Variants in STX8 observed in about 807,000 individuals in gnomAD.
STX8 encodes syntaxin-8.
In STX8, 23 loss-of-function variants were observed where a neutral mutation model predicts 37.5. The observed-to-expected ratio is 0.61, with a 90% confidence interval of 0.44 to 0.87. The LOEUF (loss-of-function observed/expected upper bound fraction) is 0.87. Among genes scored for constraint, STX8 ranks in the 40% least tolerant of loss-of-function variants. The probability of loss-of-function intolerance (pLI) is 0.00; values close to 1 mark genes in which losing one functional copy is unlikely to be tolerated. For missense variants in STX8, 313 were observed against 284.7 expected (o/e 1.10, Z -0.71); for synonymous variants, 115 against 99.1 (o/e 1.16, Z -0.95).
rs1185017013 is a variant in STX8 at position 9,491,926 on chromosome 17, A to C, written c.449-5T>G. ...CATCAAGGCCTGCGTCCTGTTCTGA[A>C]AGAAAAAAGAAAAATAATTAACTAG... On this transcript the variant is annotated splice_polypyrimidine_tract_variant and splice_region_variant and intron_variant, in intron 5 of 7. Coordinates refer to ENST00000306357, the MANE Select transcript of STX8 (RefSeq NM_004853.3). 7.5e-6 allele frequency: 12 copies of C among 1,590,798 alleles called. No homozygotes were observed.
At chr17:9,574,468 A>G (rs940293293) in intron 1 of STX8, among the ~76,000 whole-genome samples, 2 of 152,050 alleles carry the variant, frequency 1.3e-5, no homozygotes, top group Non-Finnish European at 2.9e-5. Flanking sequence ...GCAAATTTTC[A>G]ATATTCTCTA....
At chr17:9,306,763 T>TCAAA (rs923849658) in intron 7 of STX8, among the ~76,000 whole-genome samples, 32 of 151,192 alleles carry the variant, frequency 2.1e-4, no homozygotes, top group Non-Finnish European at 4.1e-4. Context: ...AGACTCTGTC[T>TCAAA]CAAACAAACA....
chr17:9,493,700 T>C (rs1350092696), intron 5 of STX8, among the ~76,000 whole-genome samples: 1 of 152,210 alleles, frequency 6.6e-6, no homozygotes, highest in Non-Finnish European at 1.5e-5. Context: ...TTGCACCTTA[T>C]CCCTGCTAGT....
intron 7 of STX8, among the ~76,000 whole-genome samples, chr17:9,371,169 A>G (rs1245373629): frequency 6.6e-6 from 1 of 152,170 alleles, no homozygotes; most frequent in Non-Finnish European, 1.5e-5. Context: ...AAATTCTCTC[A>G]CTGCTCAAGC....
intron 4 of STX8, among the ~76,000 whole-genome samples, chr17:9,537,575 C>CCCAG (rs1555535364): frequency 6.6e-6 from 1 of 152,114 alleles, no homozygotes; most frequent in Non-Finnish European, 1.5e-5. Flanking sequence ...CACGTCCTGG[C>CCCAG]TCAATCTTTC....
intron 6 of STX8, among the ~76,000 whole-genome samples, chr17:9,429,347 A>C (rs1054230508): frequency 6.9e-6 from 1 of 145,580 alleles, no homozygotes; most frequent in Admixed American, 7.0e-5. Context: ...ACATATATTT[A>C]TATATAATAT....
At chr17:9,322,488 C>T (rs1040359919) in intron 7 of STX8, among the ~76,000 whole-genome samples, 1 of 152,150 alleles carries the variant, frequency 6.6e-6, no homozygotes, top group Non-Finnish European at 1.5e-5. Context: ...CAGCAGGGGA[C>T]GCTGAGCACT....
intron 7 of STX8, among the ~76,000 whole-genome samples, chr17:9,281,898 C>T (rs2142153010): frequency 6.6e-6 from 1 of 152,292 alleles, no homozygotes; most frequent in East Asian, 1.9e-4. Flanking sequence ...TGCACCACTG[C>T]ACTCCAGCTT....
At chr17:9,562,265 G>A (rs1907265003) in intron 2 of STX8, among the ~76,000 whole-genome samples, 1 of 152,024 alleles carries the variant, frequency 6.6e-6, no homozygotes, top group Non-Finnish European at 1.5e-5. Context: ...AATTAGCCGG[G>A]CATGGTGGCG....
chr17:9,308,505 A>G (rs905662181), intron 7 of STX8, among the ~76,000 whole-genome samples: 1 of 152,072 alleles, frequency 6.6e-6, no homozygotes, highest in Non-Finnish European at 1.5e-5. Flanking sequence ...TGGGTGGATC[A>G]TGAGGTCAGG....
At chr17:9,415,395 TCA>T (rs1913150981) in intron 6 of STX8, among the ~76,000 whole-genome samples, 1 of 152,096 alleles carries the variant, frequency 6.6e-6, no homozygotes, top group Admixed American at 6.6e-5. Context: ...ATCTGTAGCC[TCA>T]AATAAGGTCC....
At chr17:9,286,398 T>C (rs372620343) in intron 7 of STX8, among the ~76,000 whole-genome samples, 2 of 152,176 alleles carry the variant, frequency 1.3e-5, no homozygotes, top group African/African-American at 4.8e-5. Context: ...GGTGGGTAGT[T>C]ACAAAAAAAT....
At chr17:9,331,962 T>G (rs1207869816) in intron 7 of STX8, among the ~76,000 whole-genome samples, 1 of 152,224 alleles carries the variant, frequency 6.6e-6, no homozygotes, top group Non-Finnish European at 1.5e-5. Context: ...TATCTGAAAC[T>G]GTTGGCACAG....
intron 7 of STX8, among the ~76,000 whole-genome samples, chr17:9,368,840 G>C (rs527823800): frequency 6.6e-6 from 1 of 151,738 alleles, no homozygotes; most frequent in Admixed American, 6.6e-5. Flanking sequence ...ACTCAGACCC[G>C]TCTGTACTAC....
chr17:9,444,419 ATG>A (rs573117554), intron 6 of STX8, among the ~76,000 whole-genome samples: 222 of 152,338 alleles, frequency 1.5e-3, no homozygotes, highest in Non-Finnish European at 2.7e-3. Context: ...ACGACAAATC[ATG>A]TGTGTCCTGA....
intron 7 of STX8, among the ~76,000 whole-genome samples, chr17:9,339,193 G>A (rs759442170): frequency 6.6e-6 from 1 of 151,796 alleles, no homozygotes; most frequent in African/African-American, 2.4e-5. Context: ...ATCAGACACC[G>A]CACCTCTGTC....
At chr17:9,516,103 T>C (rs1447877757) in intron 4 of STX8, among the ~76,000 whole-genome samples, 3 of 151,758 alleles carry the variant, frequency 2.0e-5, no homozygotes, top group East Asian at 1.9e-4. Context: ...GAAAGTGCAT[T>C]AGTAACCAGC....
intron 7 of STX8, among the ~76,000 whole-genome samples, chr17:9,290,102 T>A (rs534172893): frequency 3.3e-5 from 5 of 152,318 alleles, no homozygotes; most frequent in South Asian, 4.1e-4. Context: ...ACAAGTACAT[T>A]ATTTAGAAAT....
chr17:9,270,104 C>T (rs893780841), intron 7 of STX8, among the ~76,000 whole-genome samples: 2 of 152,204 alleles, frequency 1.3e-5, no homozygotes, highest in Non-Finnish European at 2.9e-5. Context: ...TGTCTCCTCT[C>T]GTGCCTAGCA....
Sources: allele counts gnomAD v4.1 joint callset (sites outside exome capture counted in the v4.1 genomes callset), GRCh38; gene constraint gnomAD v4.1.1; transcripts MANE v1.5; gene names NCBI Gene and HGNC (gene_info 2026-07-23, HGNC 2026-07-21).